ESPN: variants seen among roughly 807,000 people sequenced by gnomAD.
ESPN encodes espin.
A neutral mutation model predicts 77.7 loss-of-function variants in ESPN; 68 were observed. That is an observed-to-expected ratio of 0.87 (90% confidence interval 0.72 to 1.07). The LOEUF (loss-of-function observed/expected upper bound fraction) is 1.07. Ranked by LOEUF, ESPN falls within the 50% of genes least tolerant of loss-of-function variation. The pLI, the probability that ESPN is intolerant of heterozygous loss-of-function variation, is 0.00. For missense variants in ESPN, 1,060 were observed against 1,239.0 expected, an observed-to-expected ratio of 0.86 and a Z score of 2.17; for synonymous variants, 449 against 567.1, an observed-to-expected ratio of 0.79 and a Z score of 2.96.
At chr1:6,455,687 C>CCGCG (rs1238842929) in intron 10 of ESPN, 19 of 399,000 alleles carry the variant, frequency 4.8e-5, no homozygotes, top group Middle Eastern at 1.2e-3. Context: ...TGGGCCTGAG[C>CCGCG]CGCGAGGAGC....
chr1:6,440,585 C>A, intron 3 of ESPN, 41 bp from the exon 4 acceptor site: 1 of 1,051,546 alleles, frequency 9.5e-7, no homozygotes, highest in South Asian at 1.5e-5. Flanking sequence ...AGGGGCCTGG[C>A]GCCCAGCCCC....
chr1:6,444,431 A>G (rs757166019), intron 5 of ESPN, 50 bp from the exon 6 acceptor site: 5 of 1,592,352 alleles, frequency 3.1e-6, no homozygotes, highest in Non-Finnish European at 4.3e-6. Context: ...CTGGAGAGCA[A>G]CGCATCTTGG....
Position 6,460,294 on chromosome 1 carries a change from C to G in ESPN, c.*148C>G. On this transcript the variant is annotated 3_prime_UTR_variant, in exon 13 of 13. Coordinates refer to ENST00000645284, the MANE Select transcript of ESPN (RefSeq NM_031475.3). ...CTCCCTGACCCCCACCCTGGCCCCC[C>G]GTATCCCCAGCCCTTGGCAACACTG... 2.9e-6 allele frequency: 3 copies of G among 1,041,872 alleles called. No individual in the cohort carries two copies. The highest frequency in any genetic ancestry group is 4.1e-6 in the Non-Finnish European group (3 of 727,816). The allele number at this position is 1,041,872 out of a possible 1,614,324, so 64.5% of individuals were successfully genotyped here. A position where few individuals can be genotyped will look rare whatever the true frequency, so the allele number is the denominator to read the frequency against.
At chr1:6,454,994 C>T (rs1363660266) in intron 10 of ESPN, 3 of 376,352 alleles carry the variant, frequency 8.0e-6, no homozygotes, top group East Asian at 3.9e-5. Flanking sequence ...GCGCACGGGG[C>T]GCGGCGCCCG....
intron 2 of ESPN, among the ~76,000 whole-genome samples, chr1:6,435,124 G>A (rs1022984770): frequency 1.4e-4 from 22 of 152,208 alleles, no homozygotes; most frequent in African/African-American, 5.1e-4. Flanking sequence ...AGGCCTACTC[G>A]GGAATCTTTT....
chr1:6,451,206 G>A lies in ESPN; in HGVS notation c.1916-397G>A. Reference sequence around the variant, plus strand: ...TTGCTGATGTAGGGAGAGGGCCAGAGGGAGGCTCCACCCCAGCCGGGCTGA... The same window carrying A: ...TTGCTGATGTAGGGAGAGGGCCAGAAGGAGGCTCCACCCCAGCCGGGCTGA... On this transcript the variant is annotated intron_variant, in intron 8 of 12. Transcript: ENST00000645284. This position sits in a 1 kb window ranked among gnomAD's most constrained non-coding sequence, Gnocchi z 4.3. 8.4e-6 allele frequency: 3 copies of A among 356,728 alleles called. No individual in the cohort carries two copies. The highest frequency in any genetic ancestry group is 2.3e-5 in the South Asian group (1 of 43,596). 22.1% of individuals were successfully genotyped at this position (356,728 alleles called of 1,614,324 possible).
chr1:6,455,356 G>T lies in ESPN; in HGVS notation c.2326-1828G>T, dbSNP rs1025841961. The T allele has an allele frequency of 6.0e-5, 23 of 384,804 alleles. No individual in the cohort carries two copies. In the East Asian group the frequency reaches 7.8e-4, roughly 13 times the overall value. 23.8% of individuals were successfully genotyped at this position (384,804 alleles called of 1,614,324 possible). A position where few individuals can be genotyped will look rare whatever the true frequency, so the allele number is the denominator to read the frequency against. On this transcript the variant is annotated intron_variant, in intron 10 of 12. Coordinates refer to ENST00000645284, the MANE Select transcript of ESPN (RefSeq NM_031475.3). ...GGCCGCCGCGCCCAGGCGCGCCTAC[G>T]CGGACTGCTGCCCCGCGTGGCGGCT... is the stretch of plus-strand genomic sequence containing the variant.
chr1:6,436,338 A>G (rs942733203), intron 2 of ESPN, among the ~76,000 whole-genome samples: 2 of 152,176 alleles, frequency 1.3e-5, no homozygotes, highest in African/African-American at 4.8e-5. Context: ...TGGGGTTACA[A>G]GGACCAGCTG....
chr1:6,426,391 G>C (rs1369155483), intron 1 of ESPN, among the ~76,000 whole-genome samples: 1 of 152,162 alleles, frequency 6.6e-6, no homozygotes, highest in Non-Finnish European at 1.5e-5. Flanking sequence ...TCTCTGGCCA[G>C]TGCAGAGGAG....
chr1:6,434,984 G>A (rs2148511463), intron 2 of ESPN, among the ~76,000 whole-genome samples: 1 of 152,242 alleles, frequency 6.6e-6, no homozygotes, highest in African/African-American at 2.4e-5. Flanking sequence ...CCTAATTAGG[G>A]GCCAGGAGGA....
chr1:6,429,501 T>G (rs1643162034), intron 2 of ESPN, among the ~76,000 whole-genome samples: 1 of 152,082 alleles, frequency 6.6e-6, no homozygotes, highest in Non-Finnish European at 1.5e-5. Flanking sequence ...GAGCCACACC[T>G]GGGACATGTC....
At position 6,440,693 on chromosome 1, in the gene ESPN, C is replaced by G; in HGVS notation, c.743C>G (p.Ala248Gly). 1 of 1,539,106 alleles carries G rather than the reference C, an allele frequency of 6.5e-7. No individual in the cohort carries two copies. The highest frequency in any genetic ancestry group is 8.7e-7 in the Non-Finnish European group (1 of 1,151,722). The change falls in exon 4 of 13, where the codon GCG (alanine) becomes GGG (glycine). Residue 248 changes from alanine to glycine, a missense_variant. By Grantham distance (60) the Ala-to-Gly change is moderately conservative. Coordinates refer to ENST00000645284, the MANE Select transcript of ESPN (RefSeq NM_031475.3). ...KDGATAMHFA[A>G]SRGHTKVLSW... The stretch of plus-strand genomic sequence containing the variant: ...GGCGCCACCGCCATGCACTTCGCGG[C>G]GAGCCGCGGCCACACCAAGGTGCTC...
In ESPN at chr1:6,440,703, C is replaced by T; in HGVS notation, c.753C>T (p.Gly251=). 2 of 1,546,868 alleles carry T rather than the reference C, an allele frequency of 1.3e-6. No homozygotes were observed. The highest frequency in any genetic ancestry group is 1.9e-5 in the Admixed American group (1 of 53,292). The change falls in exon 4 of 13, where the codon GGC becomes GGT. Residue 251 remains glycine (G), a synonymous_variant. Coordinates refer to ENST00000645284, the MANE Select transcript of ESPN (RefSeq NM_031475.3). ...ATAMHFAASR[G]HTKVLSWLLL... is the part of the protein sequence containing the mutation. ...CCATGCACTTCGCGGCGAGCCGCGG[C>T]CACACCAAGGTGCTCAGCTGGCTGC...
At position 6,451,724 on chromosome 1, in the gene ESPN, A is replaced by C; in HGVS notation, c.2037A>C (p.Ser679=). The C allele has an allele frequency of 1.2e-6, 2 of 1,612,698 alleles. No homozygotes were observed. Among genetic ancestry groups the C allele is most frequent in the Non-Finnish European group, 8.5e-7 (1 of 1,179,834 alleles). The change falls in exon 9 of 13, where the codon TCA becomes TCC. Residue 679 remains serine, a synonymous_variant. Coordinates refer to ENST00000645284, the MANE Select transcript of ESPN (RefSeq NM_031475.3). The surrounding 1 kb of genome is among the most constrained non-coding windows in gnomAD (Gnocchi z 4.3). The part of the protein sequence containing the change: ...PQSKGLTTVF[S]GIGQPAFQPD... The stretch of plus-strand genomic sequence containing the variant: ...GCAAGGGGCTGACCACAGTGTTCTC[A>C]GGCATCGGGCAGCCGGCCTTCCAGG...
At chr1:6,456,070 C>T (rs1569751268) in intron 10 of ESPN, 1 of 397,474 alleles carries the variant, frequency 2.5e-6, no homozygotes, top group East Asian at 3.6e-5. Context: ...GGTTCCGAAG[C>T]CCCCGCCGAA....
intron 10 of ESPN, chr1:6,454,741 C>T: frequency 2.5e-6 from 1 of 398,164 alleles, no homozygotes; most frequent in East Asian, 3.6e-5. Flanking sequence ...AGCAAGATCT[C>T]CACGTTGCTC....
Position 6,451,980 on chromosome 1 carries a change from G to A in ESPN, c.2209G>A (p.Glu737Lys). 1 of 1,609,508 alleles carries A rather than the reference G, an allele frequency of 6.2e-7. No individual in the cohort carries two copies. The change falls in exon 10 of 13, where the codon GAG (glutamate) becomes AAG (lysine). Residue 737 changes from glutamate (E) to lysine (K), a missense_variant. Glu to Lys is a moderately conservative substitution (Grantham distance 56). Transcript: ENST00000645284. This position sits in a 1 kb window ranked among gnomAD's most constrained non-coding sequence, Gnocchi z 4.3. ...TGCGCCGGGAGTGCAGCTGGACGTG[G>A]AGGCTCTCATCCCCACGCACGATGA... ...TPAPGVQLDV[E>K]ALIPTHDEQG...
chr1:6,453,641 G>A (rs1028490232), intron 10 of ESPN, among the ~76,000 whole-genome samples: 3 of 152,176 alleles, frequency 2.0e-5, no homozygotes, highest in African/African-American at 7.2e-5. Flanking sequence ...CCAAGACCTG[G>A]CCAGAGGCCC....
At position 6,427,605 on chromosome 1, in the gene ESPN, A is replaced by G. The variant is rs1643086461; in HGVS notation, c.295-621A>G. Among the ~76,000 whole-genome samples, 1 of 152,158 alleles carries G rather than the reference A, an allele frequency of 6.6e-6. No individual in the cohort carries two copies. The highest frequency in any genetic ancestry group is 2.4e-5 in the African/African-American group (1 of 41,442). ...TCCACCTCCACAGGGGCGAGAACAC[A>G]GGCTGCTCCTGTGGCTGGGCACTGG... On this transcript the variant is annotated intron_variant, in intron 1 of 12. Coordinates refer to ENST00000645284, the MANE Select transcript of ESPN (RefSeq NM_031475.3). This position sits in a 1 kb window ranked among gnomAD's most constrained non-coding sequence, Gnocchi z 4.6.
Sources: gnomAD v4.1 joint callset for allele counts (sites outside exome capture counted in the v4.1 genomes callset) on GRCh38, gnomAD v4.1.1 for gene constraint, Gnocchi (gnomAD v3.1) non-coding constraint, MANE v1.5 for transcripts, NCBI Gene and HGNC (gene_info 2026-07-23, HGNC 2026-07-21) for gene names.